MSRB3: variants seen among roughly 807,000 people sequenced by gnomAD.
The protein encoded by MSRB3 is methionine sulfoxide reductase B3.
Under a neutral mutation model 21.0 loss-of-function variants are expected in MSRB3, and 13 were observed. The ratio of observed to expected loss-of-function variants is 0.62; its 90% CI spans 0.40 to 0.98. The LOEUF (loss-of-function observed/expected upper bound fraction) is 0.98, where lower values mean the gene tolerates loss of function less well. MSRB3 is among the 50% of genes least tolerant of loss of function. MSRB3 has a pLI of 0.00. For missense variants in MSRB3, 199 were observed against 230.3 expected (o/e 0.86, Z 0.88); for synonymous variants, 87 against 88.6 (o/e 0.98, Z 0.10).
intron 5 of MSRB3, among the ~76,000 whole-genome samples, chr12:65,426,358 C>A (rs1389052011): frequency 2.6e-5 from 4 of 152,244 alleles, no homozygotes; most frequent in East Asian, 3.9e-4. Context: ...TCCCCCTGCA[C>A]TTATATCACC....
chr12:65,410,142 A>G (rs768433989), intron 5 of MSRB3, among the ~76,000 whole-genome samples: 15 of 151,920 alleles, frequency 9.9e-5, no homozygotes, highest in South Asian at 2.1e-4. Context: ...TTTTTATTTC[A>G]TGTATTGCCA....
intron 5 of MSRB3, among the ~76,000 whole-genome samples, chr12:65,407,442 A>G (rs1880476221): frequency 6.6e-6 from 1 of 151,784 alleles, no homozygotes; most frequent in African/African-American, 2.4e-5. Context: ...TTCCAGCTGT[A>G]GGTAAAGTGT....
At chr12:65,428,086 G>A (rs966576002) in intron 5 of MSRB3, among the ~76,000 whole-genome samples, 4 of 152,154 alleles carry the variant, frequency 2.6e-5, no homozygotes, top group African/African-American at 7.2e-5. Flanking sequence ...TTGGTGAGGT[G>A]TGTGTAGCTG....
chr12:65,398,097 G>T (rs1879914005), intron 5 of MSRB3, among the ~76,000 whole-genome samples: 1 of 152,168 alleles, frequency 6.6e-6, no homozygotes, highest in African/African-American at 2.4e-5. Context: ...ATAGTAGAAT[G>T]ATTTATAATC....
intron 4 of MSRB3, among the ~76,000 whole-genome samples, chr12:65,350,308 T>A (rs1876868296): frequency 6.6e-6 from 1 of 151,920 alleles, no homozygotes; most frequent in African/African-American, 2.4e-5. Context: ...TTTTGGTTAC[T>A]GTAGCCTTGC....
At chr12:65,338,301 A>G (rs1461365242) in intron 4 of MSRB3, among the ~76,000 whole-genome samples, 1 of 152,218 alleles carries the variant, frequency 6.6e-6, no homozygotes, top group East Asian at 1.9e-4. Context: ...GTTTGGTAGC[A>G]CCATTACACA....
chr12:65,426,798 T>C (rs1592627758), intron 5 of MSRB3, among the ~76,000 whole-genome samples: 1 of 152,168 alleles, frequency 6.6e-6, no homozygotes, highest in African/African-American at 2.4e-5. Flanking sequence ...AGTTCATAGA[T>C]TCTTTCTTCT....
intron 5 of MSRB3, among the ~76,000 whole-genome samples, chr12:65,453,232 A>G (rs1318160423): frequency 6.6e-6 from 1 of 152,212 alleles, no homozygotes; most frequent in Non-Finnish European, 1.5e-5. Context: ...TGGTGACAAC[A>G]GGATAGTCGT....
chr12:65,389,038 A>G (rs1409026855), intron 5 of MSRB3, among the ~76,000 whole-genome samples: 5 of 152,182 alleles, frequency 3.3e-5, no homozygotes, highest in Non-Finnish European at 7.3e-5. Flanking sequence ...GATGTTAATG[A>G]CATATCTGGG....
At chr12:65,418,418 G>T (rs1881095075) in intron 5 of MSRB3, among the ~76,000 whole-genome samples, 1 of 152,158 alleles carries the variant, frequency 6.6e-6, no homozygotes. Flanking sequence ...TATCAGATGT[G>T]AGGTTTGCAA....
chr12:65,441,178 T>G (rs1051714202), intron 5 of MSRB3, among the ~76,000 whole-genome samples: 11 of 151,936 alleles, frequency 7.2e-5, no homozygotes, highest in African/African-American at 2.7e-4. Context: ...TTTAAGCTTG[T>G]CAGTGGTCAG....
chr12:65,301,373 A>G (rs1288983667), intron 1 of MSRB3, among the ~76,000 whole-genome samples: 1 of 152,210 alleles, frequency 6.6e-6, no homozygotes, highest in Non-Finnish European at 1.5e-5. Flanking sequence ...TTCATCTATC[A>G]AGAAATGATG....
At chr12:65,407,530 A>AT (rs1234097107) in intron 5 of MSRB3, among the ~76,000 whole-genome samples, 2 of 151,916 alleles carry the variant, frequency 1.3e-5, no homozygotes, top group Non-Finnish European at 1.5e-5. Context: ...CCAGACATAG[A>AT]TTTTTTTGGT....
chr12:65,430,235 T>C (rs1881811537), intron 5 of MSRB3, among the ~76,000 whole-genome samples: 1 of 152,172 alleles, frequency 6.6e-6, no homozygotes, highest in African/African-American at 2.4e-5. Context: ...CATTCTCTTG[T>C]CCTTTTAATG....
chr12:65,457,407 T>A (rs535360548), intron 6 of MSRB3, among the ~76,000 whole-genome samples: 1 of 152,050 alleles, frequency 6.6e-6, no homozygotes, highest in Non-Finnish European at 1.5e-5. Context: ...TGTGTGATGT[T>A]CCCCTCCCTG....
intron 1 of MSRB3, among the ~76,000 whole-genome samples, chr12:65,290,087 T>C (rs1397799771): frequency 2.0e-5 from 3 of 152,116 alleles, no homozygotes; most frequent in African/African-American, 7.2e-5. Context: ...GAGTCAAATC[T>C]GTATTTTCTC....
intron 2 of MSRB3, among the ~76,000 whole-genome samples, chr12:65,309,699 A>G (rs1445123138): frequency 2.6e-5 from 4 of 152,196 alleles, no homozygotes; most frequent in Admixed American, 6.5e-5. Flanking sequence ...TATGGAGGAT[A>G]TGGTGCTTGA....
intron 4 of MSRB3, among the ~76,000 whole-genome samples, chr12:65,340,389 C>T (rs574818996): frequency 8.8e-4 from 134 of 151,990 alleles, no homozygotes; most frequent in African/African-American, 3.0e-3. Context: ...ATTAGAGCCA[C>T]AGAAAGGGAG....
chr12:65,327,219 T>C (rs767760142), intron 3 of MSRB3, among the ~76,000 whole-genome samples: 3 of 152,224 alleles, frequency 2.0e-5, no homozygotes, highest in Non-Finnish European at 4.4e-5. Flanking sequence ...GTAACAGCGA[T>C]TTAGGTACAT....
Sources: allele counts gnomAD v4.1 joint callset (sites outside exome capture counted in the v4.1 genomes callset), GRCh38; gene constraint gnomAD v4.1.1; transcripts MANE v1.5; gene names NCBI Gene and HGNC (gene_info 2026-07-23, HGNC 2026-07-21).